Variants in PATL2 observed in about 807,000 individuals in gnomAD.
PATL2 encodes PAT1 homolog 2, also known as protein PAT1 homolog 2.
Under a neutral mutation model 77.0 loss-of-function variants are expected in PATL2, and 73 were observed. The ratio of observed to expected loss-of-function variants is 0.95; its 90% CI spans 0.78 to 1.15. The LOEUF is 1.15. Among genes scored for constraint, PATL2 ranks in the 50% most tolerant of loss-of-function variants. The probability of loss-of-function intolerance (pLI) is 0.00; values close to 1 mark genes in which losing one functional copy is unlikely to be tolerated. For synonymous variants in PATL2, 265 were observed against 257.1 expected (o/e 1.03, Z -0.29); for missense variants, 618 against 655.4 (o/e 0.94, Z 0.62).
At chr15:44,678,110 C>T (rs1309887371) in intron 3 of PATL2, among the ~76,000 whole-genome samples, 1 of 152,150 alleles carries the variant, frequency 6.6e-6, no homozygotes, top group Admixed American at 6.5e-5. Context: ...CCTTGGCCTC[C>T]CAAAGGGCTG....
In PATL2 at chr15:44,688,170, C is replaced by T. The variant is rs938078254; in HGVS notation, c.-75-11605G>A. Among the ~76,000 whole-genome samples the T allele has an allele frequency of 1.3e-4, 20 of 149,186 alleles. No individual in the cohort carries two copies. In the East Asian group the frequency reaches 1.4e-3, roughly 10 times the overall value. On this transcript the variant is annotated intron_variant, in intron 3 of 17. Transcript: ENST00000682850. ...CTGAGGCAGGCGAATGGCGTGAACC[C>T]GGGAGGCAGAGCTTGCAGTGAGCCA...
At chr15:44,667,335 C>G in intron 15 of PATL2, 132 bp from the exon 16 acceptor site, 2 of 685,564 alleles carry the variant, frequency 2.9e-6, no homozygotes, top group Non-Finnish European at 5.0e-6. Flanking sequence ...TCCACAAGTG[C>G]TGTCAGGTTT....
At chr15:44,708,415 C>T (rs1302582910) in intron 3 of PATL2, among the ~76,000 whole-genome samples, 2 of 152,258 alleles carry the variant, frequency 1.3e-5, no homozygotes, top group Non-Finnish European at 1.5e-5. Flanking sequence ...AAATCATCAT[C>T]GAACTCTAGA....
At chr15:44,672,265 G>A in intron 8 of PATL2, 109 bp from the exon 9 acceptor site, 1 of 1,532,528 alleles carries the variant, frequency 6.5e-7, no homozygotes, top group Non-Finnish European at 8.8e-7. Context: ...CAAGCACAGA[G>A]GTGGGCAACA....
intron 3 of PATL2, among the ~76,000 whole-genome samples, chr15:44,684,946 C>A (rs886966345): frequency 6.6e-6 from 1 of 152,214 alleles, no homozygotes; most frequent in African/African-American, 2.4e-5. Context: ...CAATATTTAA[C>A]ATTCTTCAAG....
rs1332860403 is a variant in PATL2, at chr15:44,675,637, C to T, written c.71G>A (p.Cys24Tyr). 1 of 1,551,578 alleles carries T rather than the reference C, an allele frequency of 6.4e-7. No individual in the cohort carries two copies. The highest frequency in any genetic ancestry group is 8.7e-7 in the Non-Finnish European group (1 of 1,146,974). The stretch of plus-strand genomic sequence containing the variant: ...ATTCTCTTCTTCTTTTTCCAACTGG[C>T]AGGCAGACACCAGCTCCTCCTCAGA... The part of the protein sequence containing the change: ...LASEEELVSA[C>Y]QLEKEEENEG... Residue 24 changes from cysteine to tyrosine, a missense_variant, in exon 5 of 18, where the codon TGC (cysteine) becomes TAC (tyrosine). By Grantham distance (194) the Cys-to-Tyr change is radical. Transcript: ENST00000682850.
At chr15:44,676,809 C>T in intron 3 of PATL2, 1 of 1,166,146 alleles carries the variant, frequency 8.6e-7, no homozygotes, top group Admixed American at 4.1e-5. Flanking sequence ...AAGTACTTCC[C>T]AACCGACATC....
intron 3 of PATL2, among the ~76,000 whole-genome samples, chr15:44,694,860 T>C (rs2141251859): frequency 6.6e-6 from 1 of 152,212 alleles, no homozygotes; most frequent in African/African-American, 2.4e-5. Flanking sequence ...GACATGCCTT[T>C]CTTCCGAGGA....
chr15:44,670,108 A>C, intron 9 of PATL2, 21 bp from the exon 10 acceptor site: 1 of 1,550,098 alleles, frequency 6.5e-7, no homozygotes, highest in South Asian at 1.2e-5. Context: ...ACGGAATAGG[A>C]AACAAAAAAA....
At chr15:44,708,228 G>C (rs929699986) in intron 3 of PATL2, among the ~76,000 whole-genome samples, 2 of 151,992 alleles carry the variant, frequency 1.3e-5, no homozygotes. Context: ...TCTTATGAAG[G>C]TGCTTTTTTT....
chr15:44,689,807 C>A (rs2086346754), intron 3 of PATL2, among the ~76,000 whole-genome samples: 1 of 152,048 alleles, frequency 6.6e-6, no homozygotes. Context: ...ACATGTATAC[C>A]TATGTAACAA....
intron 4 of PATL2, chr15:44,676,218 T>C: frequency 2.0e-6 from 1 of 509,014 alleles, no homozygotes; most frequent in South Asian, 2.0e-5. Context: ...CTGTGTGCCA[T>C]ATACTTTACG....
intron 15 of PATL2, among the ~76,000 whole-genome samples, chr15:44,667,464 A>G (rs755337370): frequency 5.3e-5 from 8 of 152,176 alleles, no homozygotes; most frequent in Non-Finnish European, 1.0e-4. Context: ...AACTCCTAGG[A>G]GTAGGAGATC....
intron 7 of PATL2, among the ~76,000 whole-genome samples, chr15:44,672,782 G>A (rs984417399): frequency 1.3e-5 from 2 of 152,120 alleles, no homozygotes; most frequent in Non-Finnish European, 2.9e-5. Context: ...TAATTTTTGA[G>A]ACAGTCTCCC....
intron 3 of PATL2, among the ~76,000 whole-genome samples, chr15:44,696,787 C>T (rs774114383): frequency 7.9e-5 from 12 of 152,152 alleles, no homozygotes; most frequent in Non-Finnish European, 1.3e-4. Flanking sequence ...TATGTAACAG[C>T]TCTCAAATCT....
chr15:44,698,165 A>C (rs1319853841), intron 3 of PATL2, among the ~76,000 whole-genome samples: 1 of 151,308 alleles, frequency 6.6e-6, no homozygotes, highest in African/African-American at 2.4e-5. Flanking sequence ...AGTGTATGAG[A>C]TATTTTGATA....
Position 44,675,681 on chromosome 15 carries a change from C to T in PATL2, c.27G>A (p.Lys9=). 1 of 1,548,998 alleles carries T rather than the reference C, an allele frequency of 6.5e-7. No individual in the cohort carries two copies. Among genetic ancestry groups the T allele is most frequent in the Non-Finnish European group, 8.7e-7 (1 of 1,145,582 alleles). The change falls in exon 5 of 18, where the codon AAG becomes AAA. Residue 9 remains lysine, a synonymous_variant. Transcript: ENST00000682850. MNCLEGPG[K]TCGPLASEEE... is the part of the protein sequence containing the mutation. ...CCTCAGAAGCCAAGGGGCCACAGGT[C>T]TTACCTGGCCCTTGGTTTAAGTGTG...
At position 44,672,371 on chromosome 15, in the gene PATL2, C is replaced by G. The variant is rs2141192780; in HGVS notation, c.515+17G>C. ...CAAATGGGCTCCCCTCAACCCTGCTCCTGGTCTGGGCTTTACCTTGGTGTT... is the reference window on the plus strand; with the variant it reads ...CAAATGGGCTCCCCTCAACCCTGCTGCTGGTCTGGGCTTTACCTTGGTGTT... On this transcript the variant is annotated intron_variant, in intron 8 of 17. Coordinates refer to ENST00000682850, the MANE Select transcript of PATL2 (RefSeq NM_001387263.1). 1 of 1,551,314 alleles carries G rather than the reference C, an allele frequency of 6.4e-7. No homozygotes were observed. Among genetic ancestry groups the G allele is most frequent in the Non-Finnish European group, 8.7e-7 (1 of 1,146,716 alleles).
intron 3 of PATL2, among the ~76,000 whole-genome samples, chr15:44,687,101 A>C (rs1191708074): frequency 2.0e-5 from 3 of 152,214 alleles, no homozygotes; most frequent in Non-Finnish European, 4.4e-5. Context: ...GACACAACAA[A>C]AAAAGAAAAT....
Sources: gnomAD v4.1 joint callset for allele counts (sites outside exome capture counted in the v4.1 genomes callset) on GRCh38, gnomAD v4.1.1 for gene constraint, MANE v1.5 for transcripts, NCBI Gene and HGNC (gene_info 2026-07-23, HGNC 2026-07-21) for gene names.